CDH13: variants seen among roughly 807,000 people sequenced by gnomAD.
CDH13 encodes cadherin-13.
CDH13 carries 24 observed loss-of-function variants against 63.8 expected under a neutral mutation model. That is an observed-to-expected ratio of 0.38 (90% CI 0.27 to 0.53). The LOEUF is 0.53. Ranked by LOEUF, CDH13 falls within the 20% of genes least tolerant of loss-of-function variation. The pLI, the probability that CDH13 is intolerant of heterozygous loss-of-function variation, is 0.85. For synonymous variants in CDH13, 503 were observed against 355.3 expected (o/e 1.42, Z -4.67); for missense variants, 1,049 against 903.1 (o/e 1.16, Z -2.07).
chr16:82,916,726 T>C (rs1348132812), intron 2 of CDH13, among the ~76,000 whole-genome samples: 2 of 152,222 alleles, frequency 1.3e-5, no homozygotes, highest in Non-Finnish European at 2.9e-5. Context: ...TTAAACAATA[T>C]TTTTATGTTT....
chr16:83,478,238 G>A lies in CDH13; in HGVS notation c.782-8239G>A, dbSNP rs532965317. On this transcript the variant is annotated intron_variant, in intron 6 of 13. Transcript: ENST00000567109. ...ATGCAGTAATTCCTTTGAGCTAAAA[G>A]GCAGCTGCCGCCTGAGGCAGGAGGC... 2.0e-4 allele frequency among the ~76,000 whole-genome samples: 31 copies of A among 151,968 alleles called. No homozygotes were observed. In the South Asian group the frequency reaches 6.5e-3, roughly 32 times the overall value.
At chr16:83,329,194 T>A (rs752023245) in intron 5 of CDH13, among the ~76,000 whole-genome samples, 3 of 152,164 alleles carry the variant, frequency 2.0e-5, no homozygotes, top group Non-Finnish European at 4.4e-5. Flanking sequence ...AGTTTTCAGA[T>A]GAATCCCATG....
chr16:82,871,150 T>C (rs2040330672), intron 2 of CDH13, among the ~76,000 whole-genome samples: 1 of 152,170 alleles, frequency 6.6e-6, no homozygotes, highest in Admixed American at 6.6e-5. Flanking sequence ...CAGAATACAG[T>C]GCTAAGGGGT....
intron 1 of CDH13, among the ~76,000 whole-genome samples, chr16:82,696,351 C>T (rs1239360931): frequency 6.6e-6 from 1 of 151,974 alleles, no homozygotes; most frequent in Non-Finnish European, 1.5e-5. Flanking sequence ...TTAGAAAAAA[C>T]ACAGTCAATG....
chr16:82,983,592 G>C (rs1910564609), intron 2 of CDH13, among the ~76,000 whole-genome samples: 1 of 152,184 alleles, frequency 6.6e-6, no homozygotes, highest in African/African-American at 2.4e-5. Flanking sequence ...AGATGTTTTA[G>C]AAACAACAGA....
intron 9 of CDH13, among the ~76,000 whole-genome samples, chr16:83,676,159 C>A (rs908986409): frequency 2.0e-5 from 3 of 152,178 alleles, no homozygotes; most frequent in Non-Finnish European, 4.4e-5. Flanking sequence ...AGCTGAGCGG[C>A]ACAAATTGGT....
At chr16:82,651,114 G>T (rs182095976) in intron 1 of CDH13, among the ~76,000 whole-genome samples, 511 of 152,316 alleles carry the variant, frequency 3.4e-3, no homozygotes, top group Non-Finnish European at 5.6e-3. Flanking sequence ...TCCTGGGATA[G>T]AAATTTATCT....
chr16:82,666,975 A>T (rs1330436670), intron 1 of CDH13, among the ~76,000 whole-genome samples: 1 of 152,192 alleles, frequency 6.6e-6, no homozygotes, highest in Non-Finnish European at 1.5e-5. Context: ...GAATGGGTCC[A>T]GTTCCTGTTC....
intron 1 of CDH13, among the ~76,000 whole-genome samples, chr16:82,806,128 C>T (rs8046810): frequency 6.6e-6 from 1 of 152,110 alleles, no homozygotes; most frequent in African/African-American, 2.4e-5. Context: ...CCAGCCTTCT[C>T]TCCACTGTTT....
chr16:83,588,406 G>A (rs1015341725), intron 7 of CDH13, among the ~76,000 whole-genome samples: 12 of 152,182 alleles, frequency 7.9e-5, no homozygotes, highest in Non-Finnish European at 1.5e-5. Flanking sequence ...CATTTACTGA[G>A]AGTGACTGAG....
chr16:82,635,094 T>C (rs1321771820), intron 1 of CDH13, among the ~76,000 whole-genome samples: 1 of 152,230 alleles, frequency 6.6e-6, no homozygotes, highest in Non-Finnish European at 1.5e-5. Context: ...ATATTTTGCC[T>C]AGGTGTTCTT....
intron 2 of CDH13, among the ~76,000 whole-genome samples, chr16:83,027,533 A>C (rs1269801726): frequency 2.0e-5 from 3 of 152,140 alleles, no homozygotes; most frequent in Non-Finnish European, 4.4e-5. Flanking sequence ...TATGCAGTGA[A>C]GACAAAGGCA....
At chr16:83,545,207 AG>A (rs992541919) in intron 7 of CDH13, among the ~76,000 whole-genome samples, 5 of 152,222 alleles carry the variant, frequency 3.3e-5, no homozygotes, top group African/African-American at 1.2e-4. Context: ...TTGGGTGGGA[AG>A]GTGTGGAAAC....
intron 2 of CDH13, among the ~76,000 whole-genome samples, chr16:82,968,516 A>G (rs568661793): frequency 2.0e-5 from 3 of 152,300 alleles, no homozygotes; most frequent in African/African-American, 7.2e-5. Flanking sequence ...TAAGGGAGGT[A>G]AACTGAAATC....
intron 1 of CDH13, among the ~76,000 whole-genome samples, chr16:82,817,853 G>A (rs190286809): frequency 3.3e-5 from 5 of 152,130 alleles, no homozygotes; most frequent in Admixed American, 6.6e-5. Context: ...AAGCATGCAC[G>A]CATGCATGAA....
chr16:82,786,178 C>G (rs1053605111), intron 1 of CDH13, among the ~76,000 whole-genome samples: 2 of 151,968 alleles, frequency 1.3e-5, no homozygotes, highest in East Asian at 3.9e-4. Context: ...GGTTGCTTTA[C>G]GAGGAAGTTA....
chr16:83,499,842 G>T (rs1434859625), intron 7 of CDH13, among the ~76,000 whole-genome samples: 1 of 151,556 alleles, frequency 6.6e-6, no homozygotes, highest in African/African-American at 2.4e-5. Context: ...CGCTATTATT[G>T]CTCAAGCTGT....
At chr16:82,995,268 T>A (rs555545640) in intron 2 of CDH13, among the ~76,000 whole-genome samples, 2 of 152,296 alleles carry the variant, frequency 1.3e-5, no homozygotes, top group South Asian at 4.1e-4. Flanking sequence ...ACAGCAGATT[T>A]TGCTGGGCTC....
chr16:83,698,566 G>A (rs886902554), intron 10 of CDH13, among the ~76,000 whole-genome samples: 1 of 152,210 alleles, frequency 6.6e-6, no homozygotes, highest in Non-Finnish European at 1.5e-5. Context: ...TGGGCAGACA[G>A]GGGCTGCTCT....
Sources: gnomAD v4.1 joint callset for allele counts (sites outside exome capture counted in the v4.1 genomes callset) on GRCh38, gnomAD v4.1.1 for gene constraint, MANE v1.5 for transcripts, NCBI Gene and HGNC (gene_info 2026-07-23, HGNC 2026-07-21) for gene names.